Variants in CLVS1 observed in about 807,000 individuals in gnomAD.
The protein encoded by CLVS1 is clavesin-1.
In CLVS1, 10 loss-of-function variants were observed where a neutral mutation model predicts 33.1. The ratio of observed to expected loss-of-function variants is 0.30; its 90% CI spans 0.19 to 0.51. The LOEUF (loss-of-function observed/expected upper bound fraction) is 0.51. Among genes scored for constraint, CLVS1 ranks in the 20% least tolerant of loss-of-function variants. The pLI, the probability that CLVS1 is intolerant of heterozygous loss-of-function variation, is 0.97. For missense variants in CLVS1, 343 were observed against 433.4 expected (o/e 0.79, Z 1.85); for synonymous variants, 163 against 166.1 (o/e 0.98, Z 0.14).
rs78701109 is a variant in CLVS1 at position 61,190,750 on chromosome 8, A to G, written c.-152+58890A>G. Among the ~76,000 whole-genome samples, 372 of 152,374 alleles carry G rather than the reference A, an allele frequency of 2.4e-3. 9 individuals are homozygous for G. In the East Asian group the frequency reaches 0.058, roughly 24 times the overall value. On this transcript the variant is annotated intron_variant, in intron 2 of 2. Transcript: ENST00000522621. ...ATCAGATAATACTATAAAGCCCTCT[A>G]TGCAAATAAACTAGAAAATCTAGAA...
chr8:61,069,269 G>T (rs1804745242), intron 1 of CLVS1, among the ~76,000 whole-genome samples: 2 of 152,104 alleles, frequency 1.3e-5, no homozygotes, highest in Non-Finnish European at 2.9e-5. Flanking sequence ...CGCCCAGCCA[G>T]AATTCTTTTT....
chr8:61,164,165 T>C (rs942549772), intron 2 of CLVS1, among the ~76,000 whole-genome samples: 1 of 152,210 alleles, frequency 6.6e-6, no homozygotes, highest in African/African-American at 2.4e-5. Context: ...TGGCGTGAAC[T>C]GAGTTAAAGG....
intron 2 of CLVS1, among the ~76,000 whole-genome samples, chr8:61,239,937 C>T (rs894591313): frequency 5.9e-5 from 9 of 152,216 alleles, no homozygotes; most frequent in East Asian, 3.9e-4. Context: ...TGGGTACAAA[C>T]CCAGGAGGCT....
At chr8:61,418,646 A>G (rs974509780) in intron 3 of CLVS1, among the ~76,000 whole-genome samples, 2 of 152,126 alleles carry the variant, frequency 1.3e-5, no homozygotes, top group Non-Finnish European at 2.9e-5. Context: ...CACTCAATAT[A>G]TTGTTGTTTT....
intron 2 of CLVS1, among the ~76,000 whole-genome samples, chr8:61,355,167 T>C (rs1165606802): frequency 6.6e-6 from 1 of 152,122 alleles, no homozygotes; most frequent in Non-Finnish European, 1.5e-5. Flanking sequence ...CATCAATTGG[T>C]CAGAATTGGT....
At chr8:61,438,767 G>A (rs1033852593) in intron 3 of CLVS1, among the ~76,000 whole-genome samples, 2 of 152,102 alleles carry the variant, frequency 1.3e-5, no homozygotes, top group African/African-American at 4.8e-5. Context: ...ATCATTCTAA[G>A]TAAAGTTATG....
intron 1 of CLVS1, among the ~76,000 whole-genome samples, chr8:61,127,521 T>C (rs1441400648): frequency 6.6e-6 from 1 of 152,070 alleles, no homozygotes; most frequent in Non-Finnish European, 1.5e-5. Flanking sequence ...GTGCCCAGCC[T>C]CAAGCATTTT....
chr8:61,237,235 G>A lies in CLVS1; in HGVS notation c.-151-62442G>A, dbSNP rs533272463. Among the ~76,000 whole-genome samples the A allele has an allele frequency of 1.3e-4, 20 of 152,312 alleles. No homozygotes were observed. The Middle Eastern group carries it at 0.01, about 78-fold the overall frequency. On this transcript the variant is annotated intron_variant, in intron 2 of 2. Coordinates refer to the CLVS1 transcript ENST00000522621. ...TAGCAAGCTACTGGTCACTGTGATA[G>A]AGTCCATTTCAAGAAGGTTGTTGGT...
chr8:61,372,621 T>A (rs1387748518), intron 2 of CLVS1, among the ~76,000 whole-genome samples: 1 of 152,110 alleles, frequency 6.6e-6, no homozygotes, highest in East Asian at 1.9e-4. Flanking sequence ...TTACTTAATG[T>A]TCTTTTTCTG....
intron 2 of CLVS1, among the ~76,000 whole-genome samples, chr8:61,265,141 G>A (rs553875745): frequency 4.7e-4 from 71 of 152,284 alleles, no homozygotes; most frequent in Non-Finnish European, 9.0e-4. Context: ...TCACATGGAT[G>A]TATGATAGGC....
rs1462908906 is a variant in CLVS1, at chr8:61,357,489, C to CTTT, written c.456-19114_456-19112dup. On this transcript the variant is annotated intron_variant, in intron 2 of 5. Transcript: ENST00000325897. ...TTTTCCTTCTTTTTCTTTCCTTTTT[C>CTTT]TTTTCTTTTTTTTTTTTTTTTTTTT... 3.3e-4 allele frequency among the ~76,000 whole-genome samples: 10 copies of CTTT among 30,262 alleles called. No individual in the cohort carries two copies. The East Asian group carries it at 5.8e-3, about 17-fold the overall frequency. The allele number at this position is 30,262 out of a possible 152,430, so 19.9% of individuals were successfully genotyped here. A position where few individuals can be genotyped will look rare whatever the true frequency, so the allele number is the denominator to read the frequency against.
intron 5 of CLVS1, among the ~76,000 whole-genome samples, chr8:61,463,355 A>G (rs1817436940): frequency 6.6e-6 from 1 of 152,206 alleles, no homozygotes; most frequent in Non-Finnish European, 1.5e-5. Flanking sequence ...TGTTCACTGA[A>G]GTAGCACTTT....
chr8:61,419,168 G>A (rs771637152), intron 3 of CLVS1, among the ~76,000 whole-genome samples: 9 of 152,150 alleles, frequency 5.9e-5, no homozygotes, highest in Non-Finnish European at 8.8e-5. Flanking sequence ...GGAAGCCGAG[G>A]CGAATGGATC....
chr8:61,246,864 AC>A (rs745795318), intron 2 of CLVS1, among the ~76,000 whole-genome samples: 34 of 152,114 alleles, frequency 2.2e-4, no homozygotes, highest in Non-Finnish European at 2.4e-4. Flanking sequence ...ATAGATAACT[AC>A]ATGTCATGGG....
intron 2 of CLVS1, among the ~76,000 whole-genome samples, chr8:61,232,324 C>T (rs958027981): frequency 6.6e-6 from 1 of 152,026 alleles, no homozygotes; most frequent in African/African-American, 2.4e-5. Context: ...GCGTGAGCCA[C>T]CGCGCCTGGC....
At chr8:61,421,412 G>A (rs1267143888) in intron 3 of CLVS1, among the ~76,000 whole-genome samples, 1 of 152,168 alleles carries the variant, frequency 6.6e-6, no homozygotes, top group Non-Finnish European at 1.5e-5. Flanking sequence ...TCAGAGGGTG[G>A]TACATGTGTG....
chr8:61,359,042 T>A (rs1447013322), intron 2 of CLVS1, among the ~76,000 whole-genome samples: 1 of 152,222 alleles, frequency 6.6e-6, no homozygotes, highest in African/African-American at 2.4e-5. Context: ...TAGATTTCTG[T>A]TTCCTGAAAT....
chr8:61,058,203 G>T (rs568358174), intron 1 of CLVS1, among the ~76,000 whole-genome samples: 1 of 152,184 alleles, frequency 6.6e-6, no homozygotes. Flanking sequence ...TGAGGCTGGT[G>T]TGCAAAGTCA....
In CLVS1 at chr8:61,449,867, C is replaced by T. The variant is rs1358702918; in HGVS notation, c.631-4274C>T. Among the ~76,000 whole-genome samples, 4 of 152,192 alleles carry T rather than the reference C, an allele frequency of 2.6e-5. No homozygotes were observed. The East Asian group carries it at 5.8e-4, about 22-fold the overall frequency. ...TCTTCATATGTTTATTTTATACACACTATCCAGGTCTTAGTTGTACTTAGC... is the reference window on the plus strand; with the variant it reads ...TCTTCATATGTTTATTTTATACACATTATCCAGGTCTTAGTTGTACTTAGC... On this transcript the variant is annotated intron_variant, in intron 3 of 5. Transcript: ENST00000325897.
Sources: allele counts gnomAD v4.1 joint callset (sites outside exome capture counted in the v4.1 genomes callset), GRCh38; gene constraint gnomAD v4.1.1; transcripts MANE v1.5; gene names NCBI Gene and HGNC (gene_info 2026-07-23, HGNC 2026-07-21).